Variants in DACH2 observed in about 807,000 individuals in gnomAD.
The protein encoded by DACH2 is dachshund family transcription factor 2.
A neutral mutation model predicts 35.8 loss-of-function variants in DACH2; 17 were observed. That is an observed-to-expected ratio of 0.48 (90% confidence interval 0.33 to 0.71). DACH2 has a LOEUF of 0.71. Ranked by LOEUF, DACH2 falls within the 30% of genes least tolerant of loss-of-function variation. The pLI is 0.02. For synonymous variants in DACH2, 195 were observed against 177.3 expected, an observed-to-expected ratio of 1.10 and a Z score of -0.79; for missense variants, 469 against 472.7, an observed-to-expected ratio of 0.99 and a Z score of 0.07.
intron 3 of DACH2, among the ~76,000 whole-genome samples, chrX:86,635,398 C>G (rs1350261530): frequency 4.6e-5 from 5 of 108,492 alleles, no homozygotes; most frequent in Non-Finnish European, 9.5e-5. Flanking sequence ...TAAGAGACAT[C>G]TATGACAAAC....
intron 1 of DACH2, among the ~76,000 whole-genome samples, chrX:86,297,669 A>G (rs2034494491): frequency 1.8e-5 from 2 of 112,328 alleles, no homozygotes; most frequent in South Asian, 7.3e-4. Context: ...TGGTCACACC[A>G]TATTATGTTG....
chrX:86,693,783 T>C (rs2041035678), intron 4 of DACH2, among the ~76,000 whole-genome samples: 1 of 111,837 alleles, frequency 8.9e-6, no homozygotes, highest in African/African-American at 3.2e-5. Flanking sequence ...ATGAATGTTT[T>C]TGTTATAATG....
chrX:86,815,033 A>G (rs1296665972), intron 10 of DACH2, among the ~76,000 whole-genome samples, 199 bp downstream of exon 10: 1 of 112,106 alleles, frequency 8.9e-6, no homozygotes, highest in Admixed American at 9.5e-5. Flanking sequence ...TCCAGTCAAA[A>G]TAATCACTGT....
At chrX:86,633,903 C>T (rs1395442928) in intron 3 of DACH2, among the ~76,000 whole-genome samples, 1 of 111,919 alleles carries the variant, frequency 8.9e-6, no homozygotes, top group South Asian at 3.7e-4. Context: ...AGCAGAAAAA[C>T]GCATTTGATA....
intron 5 of DACH2, among the ~76,000 whole-genome samples, chrX:86,697,720 C>T (rs758384212): frequency 9.2e-6 from 1 of 109,028 alleles, no homozygotes; most frequent in Non-Finnish European, 1.9e-5. Flanking sequence ...AGAACTCCAA[C>T]AAAATGAAGA....
At chrX:86,316,256 T>C (rs1049713913) in intron 1 of DACH2, among the ~76,000 whole-genome samples, 2 of 110,485 alleles carry the variant, frequency 1.8e-5, no homozygotes, top group African/African-American at 6.6e-5. Context: ...TGTGTCTGCT[T>C]CTAGATTCCC....
In DACH2 at chrX:86,639,709, C is replaced by A. The variant is rs764348482; in HGVS notation, c.641-11327C>A. On this transcript the variant is annotated intron_variant, in intron 3 of 11. Coordinates refer to ENST00000373125, the MANE Select transcript of DACH2 (RefSeq NM_053281.3). ...CATTGCACCTCCCTAAGAAGGAGCT[C>A]CTTGGTGGAGGGGCAGGCCACCATC... Among the ~76,000 whole-genome samples the A allele has an allele frequency of 5.4e-5, 6 of 111,506 alleles. No homozygotes were observed. The East Asian group carries it at 1.1e-3, about 21-fold the overall frequency.
intron 3 of DACH2, among the ~76,000 whole-genome samples, chrX:86,581,390 A>C (rs1020525589): frequency 1.9e-5 from 2 of 105,985 alleles, no homozygotes; most frequent in African/African-American, 7.2e-5. Context: ...ACTTGAATGT[A>C]TGTGGGCTAA....
intron 1 of DACH2, among the ~76,000 whole-genome samples, chrX:86,295,373 C>A (rs778321759): frequency 3.6e-5 from 4 of 112,050 alleles, no homozygotes; most frequent in Admixed American, 2.8e-4. Flanking sequence ...AGAAATCACC[C>A]GTCTTCTGCG....
At chrX:86,518,964 A>T (rs770056815) in intron 3 of DACH2, among the ~76,000 whole-genome samples, 25 of 112,087 alleles carry the variant, frequency 2.2e-4, no homozygotes, top group Non-Finnish European at 3.9e-4. Context: ...GGGCATCCTT[A>T]TCTTGTTACC....
At chrX:86,682,723 C>A (rs1434419346) in intron 4 of DACH2, among the ~76,000 whole-genome samples, 1 of 111,754 alleles carries the variant, frequency 8.9e-6, no homozygotes, top group Non-Finnish European at 1.9e-5. Context: ...TCCATACACT[C>A]ATAGGCACTA....
At chrX:86,474,143 G>A (rs1282683725) in intron 2 of DACH2, among the ~76,000 whole-genome samples, 3 of 111,785 alleles carry the variant, frequency 2.7e-5, no homozygotes, top group East Asian at 2.8e-4. Flanking sequence ...TCATATGCCT[G>A]TTTGCCATTT....
chrX:86,596,017 T>C (rs1382850691), intron 3 of DACH2, among the ~76,000 whole-genome samples: 1 of 111,603 alleles, frequency 9.0e-6, no homozygotes, highest in East Asian at 2.8e-4. Context: ...ATACAATATA[T>C]GGCCTTCTGT....
chrX:86,199,404 G>A (rs555201485), intron 1 of DACH2, among the ~76,000 whole-genome samples: 1 of 111,445 alleles, frequency 9.0e-6, no homozygotes, highest in African/African-American at 3.3e-5. Context: ...AGTATTGGAA[G>A]TACTGGCCAG....
intron 3 of DACH2, among the ~76,000 whole-genome samples, chrX:86,566,591 G>C (rs1235945867): frequency 9.0e-6 from 1 of 111,289 alleles, no homozygotes; most frequent in Non-Finnish European, 1.9e-5. Flanking sequence ...TGCTTATGTA[G>C]ATATATGTAA....
chrX:86,313,376 T>C (rs1224361150), intron 1 of DACH2, among the ~76,000 whole-genome samples: 1 of 111,720 alleles, frequency 9.0e-6, no homozygotes, highest in African/African-American at 3.3e-5. Context: ...GGATGGTGCA[T>C]ATTCAAAGTA....
intron 3 of DACH2, among the ~76,000 whole-genome samples, chrX:86,576,127 A>G (rs780269127): frequency 1.2e-3 from 131 of 112,246 alleles, no homozygotes; most frequent in African/African-American, 4.2e-3. Context: ...TGGAGCATGA[A>G]TAGATAAAGA....
At chrX:86,285,407 C>T (rs2034124492) in intron 1 of DACH2, among the ~76,000 whole-genome samples, 1 of 111,255 alleles carries the variant, frequency 9.0e-6, no homozygotes, top group Non-Finnish European at 1.9e-5. Context: ...AAAATTTTTC[C>T]ATCTTAAATA....
intron 3 of DACH2, among the ~76,000 whole-genome samples, chrX:86,610,363 CTCTT>C (rs201309617): frequency 0.16 from 11,143 of 69,938 alleles, 1,052 homozygotes; most frequent in Non-Finnish European, 0.22. Context: ...TCCTTCCTTC[CTCTT>C]TCTTTCTTTC....
Sources: allele counts gnomAD v4.1 joint callset (sites outside exome capture counted in the v4.1 genomes callset), GRCh38; gene constraint gnomAD v4.1.1; transcripts MANE v1.5; gene names NCBI Gene and HGNC (gene_info 2026-07-23, HGNC 2026-07-21).